The following NLRC3 variants were observed in gnomAD, a reference collection of about 807,000 sequenced individuals.
The protein encoded by NLRC3 is NLR family CARD domain containing 3.
In NLRC3, 87 loss-of-function variants were observed where a neutral mutation model predicts 91.6. That is an observed-to-expected ratio of 0.95 (90% CI 0.80 to 1.14). The LOEUF is 1.14. Among genes scored for constraint, NLRC3 ranks in the 50% most tolerant of loss-of-function variants. NLRC3 has a pLI of 0.00. For synonymous variants in NLRC3, 694 were observed against 625.3 expected, an observed-to-expected ratio of 1.11 and a Z score of -1.64; for missense variants, 1,577 against 1,418.6, an observed-to-expected ratio of 1.11 and a Z score of -1.79.
chr16:3,564,957 G>A lies in NLRC3; in HGVS notation c.80C>T (p.Ala27Val). Residue 27 changes from alanine (A) to valine (V), a missense_variant, in exon 4 of 20, where the codon GCC becomes GTC. Transcript: ENST00000359128. This position sits in a 1 kb window ranked among gnomAD's most constrained non-coding sequence, Gnocchi z 5.9. ...CTTCCCAGCCAGCAGATCCATGAGG[G>A]CTTTCACCTGCTCGGCTGGGGAGCC... ...GTGSPAEQVKALMDLLAGKGS... is the reference protein window; with the variant it reads ...GTGSPAEQVKVLMDLLAGKGS... 1 of 1,610,688 alleles carries A rather than the reference G, an allele frequency of 6.2e-7. No homozygotes were observed. Among genetic ancestry groups the A allele is most frequent in the Non-Finnish European group, 8.5e-7 (1 of 1,179,702 alleles).
chr16:3,573,509 T>A (rs1869634849), intron 1 of NLRC3, among the ~76,000 whole-genome samples: 1 of 152,220 alleles, frequency 6.6e-6, no homozygotes, highest in Non-Finnish European at 1.5e-5. Flanking sequence ...GTCTGCCTGA[T>A]ATGCCAGAGG....
chr16:3,569,873 A>T (rs1490743412), intron 1 of NLRC3, among the ~76,000 whole-genome samples: 1 of 152,162 alleles, frequency 6.6e-6, no homozygotes, highest in African/African-American at 2.4e-5. Flanking sequence ...TTCTTCTCCG[A>T]TAGAGAAAGA....
intron 1 of NLRC3, among the ~76,000 whole-genome samples, chr16:3,569,164 G>C (rs2039992487): frequency 6.6e-6 from 1 of 151,572 alleles, no homozygotes; most frequent in Admixed American, 6.6e-5. Flanking sequence ...AAATACAAAA[G>C]TTAGCTGGGT....
At chr16:3,565,112 C>G (rs1225297434) in intron 3 of NLRC3, 52 bp from the exon 4 acceptor site, 1 of 1,434,426 alleles carries the variant, frequency 7.0e-7, no homozygotes, top group African/African-American at 1.4e-5. Flanking sequence ...CATCCAGCAG[C>G]CTGGGACAGG....
At chr16:3,552,114 C>G (rs2039048253) in intron 10 of NLRC3, 82 bp downstream of exon 10, 3 of 868,168 alleles carry the variant, frequency 3.5e-6, no homozygotes, top group Non-Finnish European at 5.8e-6. Context: ...TCCATCCATC[C>G]TCAGGCTCAC....
In NLRC3 at chr16:3,539,493, T is replaced by C. The variant is rs1283983994; in HGVS notation, c.*2332A>G. The C allele has an allele frequency of 6.6e-6, 1 of 152,210 alleles. No homozygotes were observed. Among genetic ancestry groups the C allele is most frequent in the Non-Finnish European group, 1.5e-5 (1 of 68,060 alleles). 9.4% of individuals were successfully genotyped at this position (152,210 alleles called of 1,614,324 possible). A position where few individuals can be genotyped will look rare whatever the true frequency, so the allele number is the denominator to read the frequency against. ...GAAAAGGGAGAGAGGGAGGACTCTT[T>C]GTTTTCTCCACCAGTTTGGCTCCTG... is the stretch of plus-strand genomic sequence containing the variant. On this transcript the variant is annotated 3_prime_UTR_variant, in exon 20 of 20. Transcript: ENST00000359128.
chr16:3,570,584 G>T (rs760425821), intron 1 of NLRC3, among the ~76,000 whole-genome samples: 2 of 152,162 alleles, frequency 1.3e-5, no homozygotes, highest in Non-Finnish European at 2.9e-5. Context: ...TCTAGGGGGA[G>T]GAGGAGCAGA....
At chr16:3,552,349 G>A in intron 9 of NLRC3, 70 bp from the exon 10 acceptor site, 2 of 1,132,664 alleles carry the variant, frequency 1.8e-6, no homozygotes, top group Non-Finnish European at 2.7e-6. Flanking sequence ...GGACGGTTCA[G>A]GTTCAAGGTC....
chr16:3,548,899 G>GGTA, intron 13 of NLRC3, 146 bp from the exon 14 acceptor site: 1 of 668,660 alleles, frequency 1.5e-6, no homozygotes, highest in Non-Finnish European at 2.6e-6. Flanking sequence ...CCAATGGCAT[G>GGTA]GTAACATCCT....
intron 8 of NLRC3, among the ~76,000 whole-genome samples, chr16:3,555,255 A>G (rs1358046075): frequency 6.6e-6 from 1 of 152,012 alleles, no homozygotes; most frequent in African/African-American, 2.4e-5. Context: ...AAAAGTTAAA[A>G]TAAAATGGAA....
chr16:3,563,576 G>A lies in NLRC3; in HGVS notation c.1361C>T (p.Thr454Ile), dbSNP rs921787006. The A allele has an allele frequency of 1.2e-6, 2 of 1,612,558 alleles. No homozygotes were observed. Among genetic ancestry groups the A allele is most frequent in the African/African-American group, 2.7e-5 (2 of 74,936 alleles). The change falls in exon 5 of 20, where the codon ACC becomes ATC. Residue 454 changes from threonine (T) to isoleucine (I), a missense_variant. By Grantham distance (89) the Thr-to-Ile change is moderately conservative. Coordinates refer to ENST00000359128, the MANE Select transcript of NLRC3 (RefSeq NM_178844.4). ...TLASSVAYCF[T>I]HLSLQEFVAA... ...CACAAACTCCTGCAGGGACAGGTGG[G>A]TGAAGCAGTAGGCCACTGACGATGC...
At chr16:3,554,456 A>G (rs1233121515) in intron 8 of NLRC3, 131 bp from the exon 9 acceptor site, 2 of 643,350 alleles carry the variant, frequency 3.1e-6, no homozygotes, top group African/African-American at 1.8e-5. Flanking sequence ...ACCGCCCACC[A>G]TGCAGGGAGA....
chr16:3,555,942 A>AT (rs2151092716), intron 8 of NLRC3: 1 of 143,566 alleles, frequency 7.0e-6, no homozygotes, highest in Admixed American at 6.8e-5. Context: ...AAATAAATAA[A>AT]TAAATAAATA....
At chr16:3,543,262 G>T in intron 17 of NLRC3, 163 bp downstream of exon 17, 1 of 626,190 alleles carries the variant, frequency 1.6e-6, no homozygotes, top group Non-Finnish European at 2.9e-6. Flanking sequence ...CGACTCCCAG[G>T]GAAAGGCATG....
chr16:3,544,305 A>T lies in NLRC3; in HGVS notation c.2796T>A (p.Asp932Glu). 1.9e-6 allele frequency: 3 copies of T among 1,613,468 alleles called. No homozygotes were observed. Among genetic ancestry groups the T allele is most frequent in the Non-Finnish European group, 2.5e-6 (3 of 1,179,466 alleles). ...CACGGGCCACCGCACACGCTCCGTC[A>T]TCCCCGATGGCGTTCTCCTGTAAAC... ...SLDLQENAIG[D>E]DGACAVARAL... Residue 932 changes from aspartate to glutamate, a missense_variant, in exon 16 of 20, where the codon GAT (aspartate) becomes GAA (glutamate). Physicochemically the swap from Asp to Glu is conservative, Grantham distance 45. Transcript: ENST00000359128.
At chr16:3,553,618 T>C (rs1287322019) in intron 9 of NLRC3, among the ~76,000 whole-genome samples, 2 of 152,238 alleles carry the variant, frequency 1.3e-5, no homozygotes, top group South Asian at 2.1e-4. Context: ...GTTGCCCCGA[T>C]GCACCGTGCA....
intron 15 of NLRC3, among the ~76,000 whole-genome samples, chr16:3,547,709 C>T (rs1027675554): frequency 2.6e-5 from 4 of 152,090 alleles, no homozygotes; most frequent in African/African-American, 7.2e-5. Flanking sequence ...CACTCTGTCG[C>T]CCAGGCTGGA....
In NLRC3 at chr16:3,558,332, A is replaced by G. The variant is rs149951003; in HGVS notation, c.2016-656T>C. Among the ~76,000 whole-genome samples, 10 of 152,292 alleles carry G rather than the reference A, an allele frequency of 6.6e-5. No individual in the cohort carries two copies. In the East Asian group the frequency reaches 1.9e-3, roughly 29 times the overall value. On this transcript the variant is annotated intron_variant, in intron 6 of 19. Transcript: ENST00000359128. ...AGCGACAGAGTGAGACCATGTCTCA[A>G]AACAACAACAAAACAAAAAACAAAT...
intron 1 of NLRC3, among the ~76,000 whole-genome samples, chr16:3,576,521 G>C (rs2040301727): frequency 6.6e-6 from 1 of 152,220 alleles, no homozygotes; most frequent in Non-Finnish European, 1.5e-5. Context: ...CCGTGGCTCA[G>C]CATCACCACT....
Sources: gnomAD v4.1 joint callset for allele counts (sites outside exome capture counted in the v4.1 genomes callset) on GRCh38, gnomAD v4.1.1 for gene constraint, Gnocchi (gnomAD v3.1) non-coding constraint, MANE v1.5 for transcripts, NCBI Gene and HGNC (gene_info 2026-07-23, HGNC 2026-07-21) for gene names.